The following ANKS1A variants were observed in gnomAD, a reference collection of about 807,000 sequenced individuals.
ANKS1A encodes the protein ankyrin repeat and sterile alpha motif domain containing 1A.
In ANKS1A, 55 loss-of-function variants were observed where a neutral mutation model predicts 120.3. That is an observed-to-expected ratio of 0.46 (90% CI 0.37 to 0.57). The LOEUF (loss-of-function observed/expected upper bound fraction) is 0.57. Among genes scored for constraint, ANKS1A ranks in the 20% least tolerant of loss-of-function variants. The pLI is 0.00. For missense variants in ANKS1A, 1,123 were observed against 1,480.3 expected (o/e 0.76, Z 3.96); for synonymous variants, 590 against 604.7 (o/e 0.98, Z 0.36).
At chr6:35,012,013 C>T (rs550597748) in intron 10 of ANKS1A, among the ~76,000 whole-genome samples, 31 of 152,246 alleles carry the variant, frequency 2.0e-4, no homozygotes, top group Admixed American at 1.8e-3. Context: ...TGACTGAATC[C>T]AAAGCCTGTA....
intron 13 of ANKS1A, among the ~76,000 whole-genome samples, chr6:35,066,263 G>A (rs1264136231): frequency 6.6e-6 from 1 of 152,234 alleles, no homozygotes; most frequent in Non-Finnish European, 1.5e-5. Flanking sequence ...GCAGTGGGCA[G>A]CAGTCTTTCT....
In ANKS1A at chr6:35,044,087, T is replaced by C. The variant is rs758538422; in HGVS notation, c.2011-10012T>C. Among the ~76,000 whole-genome samples the C allele has an allele frequency of 2.2e-4, 34 of 152,228 alleles. No individual in the cohort carries two copies. Among genetic ancestry groups the C allele is most frequent in the Non-Finnish European group, 4.4e-4 (30 of 68,032 alleles). ...AATTTTCTATTTTCATCAACAAATA[T>C]AACCATCCTAAGCAGTTTTGGAAAT... On this transcript the variant is annotated intron_variant, in intron 11 of 23. Transcript: ENST00000360359. This position sits in a 1 kb window ranked among gnomAD's most constrained non-coding sequence, Gnocchi z 4.4.
chr6:35,068,329 G>T (rs1417728637), intron 13 of ANKS1A, among the ~76,000 whole-genome samples: 1 of 152,204 alleles, frequency 6.6e-6, no homozygotes, highest in Admixed American at 6.5e-5. Context: ...CAGTGTCACG[G>T]TGAACCAGCC....
At chr6:35,079,990 A>G in intron 16 of ANKS1A, 62 bp downstream of exon 16, 2 of 1,522,488 alleles carry the variant, frequency 1.3e-6, no homozygotes, top group Non-Finnish European at 1.8e-6. Flanking sequence ...GGAATTACAT[A>G]GAATTCTTTA....
chr6:35,061,510 G>A (rs1268384978), intron 13 of ANKS1A, among the ~76,000 whole-genome samples: 14 of 152,130 alleles, frequency 9.2e-5, no homozygotes, highest in Non-Finnish European at 1.9e-4. Flanking sequence ...CTCGCTGATC[G>A]GGTTGTGTTT....
intron 11 of ANKS1A, among the ~76,000 whole-genome samples, chr6:35,049,859 C>G (rs1426933822): frequency 6.6e-6 from 1 of 152,228 alleles, no homozygotes; most frequent in East Asian, 1.9e-4. Flanking sequence ...GTACTGCCTC[C>G]TGAAAGGGAG....
chr6:35,062,299 G>A (rs937794422), intron 13 of ANKS1A, among the ~76,000 whole-genome samples: 1 of 152,238 alleles, frequency 6.6e-6, no homozygotes, highest in African/African-American at 2.4e-5. Flanking sequence ...GTGGCCTGCT[G>A]TGCACAGCAT....
intron 3 of ANKS1A, among the ~76,000 whole-genome samples, chr6:34,976,720 T>G (rs899620607): frequency 1.3e-5 from 2 of 152,122 alleles, no homozygotes; most frequent in Admixed American, 1.3e-4. Context: ...TACACTCTTC[T>G]TGATACTACA....
chr6:34,949,461 T>G (rs1281962972), intron 1 of ANKS1A, among the ~76,000 whole-genome samples: 3 of 152,154 alleles, frequency 2.0e-5, no homozygotes, highest in Non-Finnish European at 4.4e-5. Context: ...AAAAGTAGGA[T>G]AGTGACAGCA....
Position 34,982,713 on chromosome 6 carries a change from C to G in ANKS1A, c.733-39C>G. The G allele has an allele frequency of 1.9e-6, 3 of 1,610,380 alleles. No individual in the cohort carries two copies. The highest frequency in any genetic ancestry group is 2.5e-6 in the Non-Finnish European group (3 of 1,176,510). ...TCACGTGAAGCCGCACCAAACTGTT[C>G]TGATGACATCCCGCTCTGCGCTCTC... On this transcript the variant is annotated intron_variant, in intron 4 of 23. Coordinates refer to ENST00000360359, the MANE Select transcript of ANKS1A (RefSeq NM_015245.3). This position sits in a 1 kb window ranked among gnomAD's most constrained non-coding sequence, Gnocchi z 4.9.
At chr6:34,948,727 A>T (rs1342508818) in intron 1 of ANKS1A, among the ~76,000 whole-genome samples, 1 of 152,154 alleles carries the variant, frequency 6.6e-6, no homozygotes, top group Non-Finnish European at 1.5e-5. Flanking sequence ...AGACTTACCC[A>T]ATAGGAAAAT....
chr6:34,937,495 A>G (rs1289006207), intron 1 of ANKS1A, among the ~76,000 whole-genome samples: 1 of 152,080 alleles, frequency 6.6e-6, no homozygotes, highest in African/African-American at 2.4e-5. Context: ...AATGTAGGTA[A>G]GGCCCTTACT....
chr6:34,913,110 T>G (rs969315381), intron 1 of ANKS1A, among the ~76,000 whole-genome samples: 3 of 152,198 alleles, frequency 2.0e-5, no homozygotes, highest in African/African-American at 7.2e-5. Context: ...TATCTTGACT[T>G]TAAATAATAC....
At chr6:35,009,358 C>G (rs1173156296) in intron 10 of ANKS1A, among the ~76,000 whole-genome samples, 2 of 152,022 alleles carry the variant, frequency 1.3e-5, no homozygotes, top group Non-Finnish European at 2.9e-5. Flanking sequence ...GAGGATGATT[C>G]TGAGGTTTGA....
chr6:34,984,492 A>C (rs996383665), intron 7 of ANKS1A, among the ~76,000 whole-genome samples: 1 of 152,172 alleles, frequency 6.6e-6, no homozygotes, highest in Non-Finnish European at 1.5e-5. Flanking sequence ...TAATGGGATT[A>C]GTAGTTCACT....
At chr6:35,074,237 G>A (rs957736228) in intron 13 of ANKS1A, among the ~76,000 whole-genome samples, 2 of 152,342 alleles carry the variant, frequency 1.3e-5, no homozygotes, top group Admixed American at 1.3e-4. Context: ...GGACGTCCAC[G>A]TCCTCTTGGA....
Position 35,089,930 on chromosome 6 carries a change from A to G in ANKS1A, c.*1321A>G, listed in dbSNP as rs1340975903. 10 of 1,162,602 alleles carry G rather than the reference A, an allele frequency of 8.6e-6. No individual in the cohort carries two copies. Among genetic ancestry groups the G allele is most frequent in the African/African-American group, 6.4e-5 (4 of 62,058 alleles). 72.0% of individuals were successfully genotyped at this position (1,162,602 alleles called of 1,614,324 possible). A position where few individuals can be genotyped will look rare whatever the true frequency, so the allele number is the denominator to read the frequency against. On this transcript the variant is annotated 3_prime_UTR_variant, in exon 24 of 24. Coordinates refer to ENST00000360359, the MANE Select transcript of ANKS1A (RefSeq NM_015245.3). ...AGGATGAATAATCCAGGCTTCAGCA[A>G]CACTCCTCTTTCCCAGCCAGCAAAG...
chr6:34,991,102 T>G (rs941319946), intron 9 of ANKS1A, among the ~76,000 whole-genome samples: 4 of 152,176 alleles, frequency 2.6e-5, no homozygotes, highest in African/African-American at 9.7e-5. Context: ...TTCATCAAAC[T>G]TAGGTTTTTG....
chr6:35,087,193 C>T (rs539913167), intron 23 of ANKS1A, 144 bp downstream of exon 23: 2 of 805,410 alleles, frequency 2.5e-6, no homozygotes, highest in African/African-American at 3.4e-5. Context: ...GGACCTGCTC[C>T]TCTTGGGCGG....
Sources: gnomAD v4.1 joint callset for allele counts (sites outside exome capture counted in the v4.1 genomes callset) on GRCh38, gnomAD v4.1.1 for gene constraint, Gnocchi (gnomAD v3.1) non-coding constraint, MANE v1.5 for transcripts, NCBI Gene and HGNC (gene_info 2026-07-23, HGNC 2026-07-21) for gene names.